Variants in MAGI1 observed in about 807,000 individuals in gnomAD.
MAGI1 encodes membrane-associated guanylate kinase, WW and PDZ domain-containing protein 1.
A neutral mutation model predicts 139.9 loss-of-function variants in MAGI1; 58 were observed. The observed-to-expected ratio is 0.41, with a 90% confidence interval of 0.34 to 0.52. The LOEUF is 0.52. Among genes scored for constraint, MAGI1 ranks in the 20% least tolerant of loss-of-function variants. MAGI1 has a pLI of 0.12. For synonymous variants in MAGI1, 812 were observed against 737.9 expected (o/e 1.10, Z -1.63); for missense variants, 1,874 against 1,901.6 (o/e 0.99, Z 0.27).
In MAGI1 at chr3:65,897,288, C is replaced by T. The variant is rs2061010324; in HGVS notation, c.313+140708G>A. Among the ~76,000 whole-genome samples, 7 of 152,088 alleles carry T rather than the reference C, an allele frequency of 4.6e-5. No individual in the cohort carries two copies. The South Asian group carries it at 1.2e-3, about 27-fold the overall frequency. On this transcript the variant is annotated intron_variant, in intron 1 of 22. Transcript: ENST00000402939. The stretch of plus-strand genomic sequence containing the variant: ...AAATTAATGGACTTTAATTCCAACA[C>T]TTTGAGGGGCCAAGGCAGGAGGATA...
At chr3:65,856,969 A>G (rs2059396120) in intron 1 of MAGI1, among the ~76,000 whole-genome samples, 1 of 152,212 alleles carries the variant, frequency 6.6e-6, no homozygotes, top group Admixed American at 6.5e-5. Context: ...AACCTACCAG[A>G]AACACAGGAA....
chr3:65,978,533 C>T (rs186058404), intron 1 of MAGI1, among the ~76,000 whole-genome samples: 253 of 152,266 alleles, frequency 1.7e-3, no homozygotes, highest in Non-Finnish European at 2.9e-3. Flanking sequence ...ACCCAGGGAT[C>T]CTATCCCCCA....
chr3:65,606,335 TTTTG>T (rs1304617406), intron 2 of MAGI1, among the ~76,000 whole-genome samples: 1 of 152,084 alleles, frequency 6.6e-6, no homozygotes, highest in Middle Eastern at 3.2e-3. Context: ...TATTTTTTTA[TTTTG>T]TTTATTTATT....
At chr3:66,015,894 T>C (rs2067611919) in intron 1 of MAGI1, among the ~76,000 whole-genome samples, 1 of 152,202 alleles carries the variant, frequency 6.6e-6, no homozygotes, top group East Asian at 1.9e-4. Context: ...CATTTGTAGC[T>C]TCCTACAGAG....
intron 1 of MAGI1, among the ~76,000 whole-genome samples, chr3:66,032,575 T>A (rs2068678183): frequency 6.6e-6 from 1 of 151,594 alleles, no homozygotes; most frequent in African/African-American, 2.4e-5. Context: ...AGAGACAAGC[T>A]TCTTGTTTTC....
At chr3:65,980,019 T>A (rs530934962) in intron 1 of MAGI1, among the ~76,000 whole-genome samples, 2 of 152,264 alleles carry the variant, frequency 1.3e-5, no homozygotes, top group Admixed American at 1.3e-4. Context: ...CTTCAGCACA[T>A]GGCCTTGTCC....
At chr3:65,556,035 T>C (rs1241949929) in intron 2 of MAGI1, among the ~76,000 whole-genome samples, 1 of 152,220 alleles carries the variant, frequency 6.6e-6, no homozygotes, top group Non-Finnish European at 1.5e-5. Flanking sequence ...TAAGAATGTA[T>C]GTGTGTTTCT....
intron 1 of MAGI1, among the ~76,000 whole-genome samples, chr3:65,935,769 C>T (rs774849244): frequency 6.6e-6 from 1 of 152,228 alleles, no homozygotes; most frequent in Non-Finnish European, 1.5e-5. Context: ...CACCTTCCTG[C>T]TTTTGAAATG....
At chr3:66,006,207 AT>A (rs2067004623) in intron 1 of MAGI1, among the ~76,000 whole-genome samples, 1 of 152,228 alleles carries the variant, frequency 6.6e-6, no homozygotes, top group Non-Finnish European at 1.5e-5. Context: ...AGCAACCAGT[AT>A]GGAAGCACTT....
chr3:65,984,851 A>G (rs2065799877), intron 1 of MAGI1, among the ~76,000 whole-genome samples: 1 of 151,958 alleles, frequency 6.6e-6, no homozygotes, highest in African/African-American at 2.4e-5. Context: ...GCCTGGCACA[A>G]AATACCATTT....
chr3:65,557,130 A>G (rs2080123229), intron 2 of MAGI1, among the ~76,000 whole-genome samples: 1 of 152,014 alleles, frequency 6.6e-6, no homozygotes, highest in Non-Finnish European at 1.5e-5. Context: ...TGGTATTCAG[A>G]CTCTTGTGTA....
intron 1 of MAGI1, among the ~76,000 whole-genome samples, chr3:65,919,475 T>A (rs1276404087): frequency 2.6e-5 from 4 of 151,534 alleles, no homozygotes; most frequent in African/African-American, 9.7e-5. Flanking sequence ...AGGGGGAGGA[T>A]CTCTTGAGCC....
intron 1 of MAGI1, among the ~76,000 whole-genome samples, chr3:65,846,976 C>CAAAAAAAAAAAAAAAAAAAAAAAAAAAAA (rs58391331): frequency 2.5e-5 from 2 of 80,988 alleles, no homozygotes; most frequent in African/African-American, 4.9e-5. Flanking sequence ...CAATGTCTTA[C>CAAAAAAAAAAAAAAAAAAAAAAAAAAAAA]AAAAAAAAAA....
intron 6 of MAGI1, among the ~76,000 whole-genome samples, chr3:65,451,278 C>T (rs1373902474): frequency 6.6e-6 from 1 of 151,956 alleles, no homozygotes; most frequent in Non-Finnish European, 1.5e-5. Context: ...TCATACATTC[C>T]CAGAATAATT....
chr3:65,379,093 G>A (rs1325539951), intron 17 of MAGI1, 168 bp downstream of exon 17: 9 of 1,432,804 alleles, frequency 6.3e-6, no homozygotes, highest in East Asian at 2.5e-5. Context: ...CTTCAAAAGG[G>A]AAAAAGCTAC....
intron 1 of MAGI1, among the ~76,000 whole-genome samples, chr3:65,670,683 C>G (rs573397829): frequency 6.6e-6 from 1 of 152,162 alleles, no homozygotes; most frequent in South Asian, 2.1e-4. Flanking sequence ...ATGTTTGGTA[C>G]CCATGGAGCT....
At chr3:65,400,421 G>C (rs1318227991) in intron 13 of MAGI1, among the ~76,000 whole-genome samples, 1 of 152,098 alleles carries the variant, frequency 6.6e-6, no homozygotes, top group Non-Finnish European at 1.5e-5. Context: ...CAGCTGCAGC[G>C]CCGTAAGCCG....
intron 6 of MAGI1, among the ~76,000 whole-genome samples, chr3:65,450,420 A>G (rs1181419824): frequency 6.6e-6 from 1 of 152,212 alleles, no homozygotes; most frequent in Non-Finnish European, 1.5e-5. Flanking sequence ...TGCCAACTGA[A>G]TTCAGCTGGT....
chr3:65,411,068 C>T (rs1475847953), intron 12 of MAGI1, among the ~76,000 whole-genome samples: 1 of 152,200 alleles, frequency 6.6e-6, no homozygotes, highest in Non-Finnish European at 1.5e-5. Flanking sequence ...ACTAATTTGT[C>T]AAGATGTACC....
Sources: allele counts gnomAD v4.1 joint callset (sites outside exome capture counted in the v4.1 genomes callset), GRCh38; gene constraint gnomAD v4.1.1; transcripts MANE v1.5; gene names NCBI Gene and HGNC (gene_info 2026-07-23, HGNC 2026-07-21).